RPGRIP1: variants seen among roughly 807,000 people sequenced by gnomAD.
The protein encoded by RPGRIP1 is X-linked retinitis pigmentosa GTPase regulator-interacting protein 1.
Under a neutral mutation model 157.9 loss-of-function variants are expected in RPGRIP1, and 128 were observed. That is an observed-to-expected ratio of 0.81 (90% confidence interval 0.70 to 0.94). RPGRIP1 has a LOEUF of 0.94. Among genes scored for constraint, RPGRIP1 ranks in the 40% least tolerant of loss-of-function variants. The pLI is 0.00. For synonymous variants in RPGRIP1, 554 were observed against 571.6 expected, an observed-to-expected ratio of 0.97 and a Z score of 0.44; for missense variants, 1,486 against 1,545.8, an observed-to-expected ratio of 0.96 and a Z score of 0.65.
Position 21,327,658 on chromosome 14 carries a change from A to C in RPGRIP1, c.2746A>C (p.Asn916His). Residue 916 changes from asparagine to histidine, a missense_variant, in exon 18 of 25, where the codon AAC becomes CAC. Physicochemically the swap from Asn to His is moderately conservative, Grantham distance 68. Transcript: ENST00000400017. ...FNLTDPAEKP[N>H]GSIQVQLDWK... ...CCTCACTGACCCTGCAGAGAAACCC[A>C]ACGGATCTATTCAAGTGCAACTGGA... 6.2e-7 allele frequency: 1 copy of C among 1,614,026 alleles called. No individual in the cohort carries two copies. Among genetic ancestry groups the C allele is most frequent in the Non-Finnish European group, 8.5e-7 (1 of 1,179,876 alleles).
intron 6 of RPGRIP1, among the ~76,000 whole-genome samples, chr14:21,306,860 C>T (rs1240231666): frequency 6.6e-6 from 1 of 151,644 alleles, no homozygotes; most frequent in African/African-American, 2.4e-5. Flanking sequence ...ACTGCAACCT[C>T]CCCCTCCCAG....
intron 1 of RPGRIP1, among the ~76,000 whole-genome samples, chr14:21,287,146 C>T (rs563167912): frequency 6.6e-6 from 1 of 152,082 alleles, no homozygotes; most frequent in Non-Finnish European, 1.5e-5. Context: ...GCCTGTAATC[C>T]CAACACTTTG....
chr14:21,348,704 C>A (rs528616243), intron 24 of RPGRIP1, among the ~76,000 whole-genome samples: 1 of 137,174 alleles, frequency 7.3e-6, no homozygotes, highest in African/African-American at 2.7e-5. Flanking sequence ...CTCACTCTGT[C>A]GCCCAGGCTG....
At chr14:21,313,879 G>C (rs1881649293) in intron 10 of RPGRIP1, among the ~76,000 whole-genome samples, 1 of 151,274 alleles carries the variant, frequency 6.6e-6, no homozygotes, top group African/African-American at 2.4e-5. Context: ...TATCTTTATG[G>C]TTCCACAAAC....
In RPGRIP1 at chr14:21,312,487, T is replaced by A; in HGVS notation, c.1132T>A (p.Tyr378Asn). ...AGAACGAAAATTGCTGAATGACAAT[T>A]ATGACAAACTCTTAGAAAGGTGAGT... ...EKERKLLNDN[Y>N]DKLLESMLDS... The change falls in exon 10 of 25, where the codon TAT (tyrosine) becomes AAT (asparagine). Residue 378 changes from tyrosine to asparagine, a missense_variant. Physicochemically the swap from Tyr to Asn is moderately radical, Grantham distance 143. Transcript: ENST00000400017. 6.2e-7 allele frequency: 1 copy of A among 1,610,930 alleles called. No homozygotes were observed. Among genetic ancestry groups the A allele is most frequent in the East Asian group, 2.2e-5 (1 of 44,838 alleles).
rs1205967339 is a variant in RPGRIP1, at chr14:21,351,235, A to C, written c.*19A>C. The C allele has an allele frequency of 2.8e-6, 4 of 1,439,152 alleles. No homozygotes were observed. The South Asian group carries it at 4.7e-5, about 17-fold the overall frequency. 89.1% of individuals were successfully genotyped at this position (1,439,152 alleles called of 1,614,324 possible). A position where few individuals can be genotyped will look rare whatever the true frequency, so the allele number is the denominator to read the frequency against. ...TTCATGAAGGAACAAGTGCTATTCC[A>C]ATCTAAAAGTCTCTGAGGGAACCAT... On this transcript the variant is annotated 3_prime_UTR_variant, in exon 25 of 25. Coordinates refer to ENST00000400017, the MANE Select transcript of RPGRIP1 (RefSeq NM_020366.4).
chr14:21,294,069 A>G lies in RPGRIP1; in HGVS notation c.86-608A>G, dbSNP rs78177520. ...CCCTGTCTCAAAAAAAAAAAAAAAAAAAGAAGAAGAAGAAACTAAAAAGAA... is the reference window on the plus strand; with the variant it reads ...CCCTGTCTCAAAAAAAAAAAAAAAAGAAGAAGAAGAAGAAACTAAAAAGAA... On this transcript the variant is annotated intron_variant, in intron 2 of 24. Coordinates refer to ENST00000400017, the MANE Select transcript of RPGRIP1 (RefSeq NM_020366.4). 2.5e-3 allele frequency among the ~76,000 whole-genome samples: 374 copies of G among 149,778 alleles called. 3 individuals are homozygous for G. The highest frequency in any genetic ancestry group is 7.3e-3 in the African/African-American group (296 of 40,294).
At chr14:21,302,395 ACT>A in intron 4 of RPGRIP1, 91 bp from the exon 5 acceptor site, 5 of 600,772 alleles carry the variant, frequency 8.3e-6, no homozygotes, top group South Asian at 6.5e-5. Context: ...AGGTCTCAAG[ACT>A]CTATGCCCAG....
intron 21 of RPGRIP1, among the ~76,000 whole-genome samples, chr14:21,341,851 C>G (rs1020804050): frequency 1.3e-5 from 2 of 151,892 alleles, no homozygotes; most frequent in African/African-American, 2.4e-5. Context: ...GTCAGGAGAT[C>G]GAGACCATCC....
chr14:21,322,094 C>T (rs1035470745), intron 14 of RPGRIP1, 90 bp downstream of exon 14: 4 of 1,060,958 alleles, frequency 3.8e-6, no homozygotes, highest in Non-Finnish European at 5.4e-6. Flanking sequence ...AGAAGGGTGC[C>T]TCTCATACCC....
intron 19 of RPGRIP1, among the ~76,000 whole-genome samples, chr14:21,329,463 T>G (rs17103554): frequency 0.013 from 1,979 of 152,184 alleles, 20 homozygotes; most frequent in Middle Eastern, 0.034. Context: ...CAGTTTATGC[T>G]TAAAGTTTTA....
At position 21,349,068 on chromosome 14, in the gene RPGRIP1, A is replaced by ATTTT. The variant is rs397709409; in HGVS notation, c.3748+783_3748+786dup. Among the ~76,000 whole-genome samples, 23 of 113,404 alleles carry ATTTT rather than the reference A, an allele frequency of 2.0e-4. 3 individuals are homozygous for ATTTT. Among genetic ancestry groups the ATTTT allele is most frequent in the South Asian group, 5.5e-4 (2 of 3,624 alleles). The allele number at this position is 113,404 out of a possible 152,430, so 74.4% of individuals were successfully genotyped here. A position where few individuals can be genotyped will look rare whatever the true frequency, so the allele number is the denominator to read the frequency against. ...AATTGACTATGCTCTCCTTACTACA[A>ATTTT]TTTTTTTTTTTTTTTTTTTTGAGAC... On this transcript the variant is annotated intron_variant, in intron 24 of 24. Transcript: ENST00000400017.
rs1880300488 is a variant in RPGRIP1 at position 21,286,390 on chromosome 14, G to A, written c.-38-1549G>A. Among the ~76,000 whole-genome samples, 3 of 150,864 alleles carry A rather than the reference G, an allele frequency of 2.0e-5. No homozygotes were observed. The South Asian group carries it at 6.2e-4, about 31-fold the overall frequency. On this transcript the variant is annotated intron_variant, in intron 1 of 24. Coordinates refer to ENST00000400017, the MANE Select transcript of RPGRIP1 (RefSeq NM_020366.4). ...TTGGTAGGACGGTAGTGGCATTTATGGACCTAGGGAAAGACTGGGAAAAGA... is the reference window on the plus strand; with the variant it reads ...TTGGTAGGACGGTAGTGGCATTTATAGACCTAGGGAAAGACTGGGAAAAGA...
At chr14:21,294,545 C>A in intron 2 of RPGRIP1, 132 bp from the exon 3 acceptor site, 2 of 906,978 alleles carry the variant, frequency 2.2e-6, no homozygotes, top group Non-Finnish European at 3.3e-6. Context: ...ATTTCTCATA[C>A]TTCCTGATTT....
chr14:21,326,135 T>C lies in RPGRIP1; in HGVS notation c.2672T>C (p.Val891Ala). The change falls in exon 17 of 25, where the codon GTG becomes GCG. Residue 891 changes from valine (V) to alanine (A), a missense_variant. By Grantham distance (64) the Val-to-Ala change is moderately conservative (BLOSUM62 0). Coordinates refer to ENST00000400017, the MANE Select transcript of RPGRIP1 (RefSeq NM_020366.4). ...GGCTCGTATCTTGGCCGAGCCCGAG[T>C]GCCTTTACTGCCTCTTGCAAAAAAT... Reference protein sequence around the residue: ...EPGSYLGRARVPLLPLAKNES... With the variant: ...EPGSYLGRARAPLLPLAKNES... 1.3e-6 allele frequency: 2 copies of C among 1,584,844 alleles called. No individual in the cohort carries two copies. The highest frequency in any genetic ancestry group is 1.8e-5 in the Admixed American group (1 of 55,444).
chr14:21,347,879 C>T (rs1257645038), intron 23 of RPGRIP1, among the ~76,000 whole-genome samples: 1 of 152,116 alleles, frequency 6.6e-6, no homozygotes, highest in East Asian at 1.9e-4. Flanking sequence ...GTGTGTGCCA[C>T]CATGCCCGGC....
chr14:21,301,048 G>T lies in RPGRIP1; in HGVS notation c.301G>T (p.Ala101Ser). Reference sequence around the variant, plus strand: ...GGAGGCGGCGCCGCTCTCGGAGACCGCAAGGCGCGGGCAGAAGGCGGGATG... The same window carrying T: ...GGAGGCGGCGCCGCTCTCGGAGACCTCAAGGCGCGGGCAGAAGGCGGGATG... ...AEEAAPLSET[A>S]RRGQKAGWRQ... The change falls in exon 4 of 25, where the codon GCA becomes TCA. Residue 101 changes from alanine to serine, a missense_variant. Coordinates refer to ENST00000400017, the MANE Select transcript of RPGRIP1 (RefSeq NM_020366.4). 6.2e-7 allele frequency: 1 copy of T among 1,612,618 alleles called. No homozygotes were observed. The highest frequency in any genetic ancestry group is 8.5e-7 in the Non-Finnish European group (1 of 1,179,434).
chr14:21,281,789 G>T (rs185456500), intron 1 of RPGRIP1, among the ~76,000 whole-genome samples: 44 of 150,816 alleles, frequency 2.9e-4, no homozygotes, highest in African/African-American at 1.0e-3. Context: ...CAGTGATACA[G>T]AGTGTAAAAA....
intron 4 of RPGRIP1, among the ~76,000 whole-genome samples, chr14:21,301,903 A>G (rs1026606370): frequency 2.0e-5 from 3 of 151,788 alleles, no homozygotes; most frequent in African/African-American, 7.3e-5. Context: ...CAAAACCCCC[A>G]AAAAGAAAAC....
Sources: allele counts gnomAD v4.1 joint callset (sites outside exome capture counted in the v4.1 genomes callset), GRCh38; gene constraint gnomAD v4.1.1; transcripts MANE v1.5; gene names NCBI Gene and HGNC (gene_info 2026-07-23, HGNC 2026-07-21).